Variants in SNAPC1 observed in about 807,000 individuals in gnomAD.
SNAPC1 encodes the protein snRNA-activating protein complex subunit 1.
In SNAPC1, 42 loss-of-function variants were observed where a neutral mutation model predicts 50.1. The ratio of observed to expected loss-of-function variants is 0.84; its 90% CI spans 0.65 to 1.08. The LOEUF is 1.08. SNAPC1 is among the 50% of genes least tolerant of loss of function. The pLI is 0.00. For missense variants in SNAPC1, 477 were observed against 427.3 expected, an observed-to-expected ratio of 1.12 and a Z score of -1.02; for synonymous variants, 164 against 144.2, an observed-to-expected ratio of 1.14 and a Z score of -0.98.
intron 7 of SNAPC1, among the ~76,000 whole-genome samples, chr14:61,780,852 T>G (rs1194734166): frequency 6.6e-6 from 1 of 151,990 alleles, no homozygotes; most frequent in Non-Finnish European, 1.5e-5. Flanking sequence ...GGTTTCTGCA[T>G]CCATGGATTG....
At chr14:61,782,131 G>T in intron 7 of SNAPC1, 116 bp from the exon 8 acceptor site, 1 of 794,752 alleles carries the variant, frequency 1.3e-6, no homozygotes. Flanking sequence ...AGTACTTTAT[G>T]ACAGATATTT....
intron 4 of SNAPC1, among the ~76,000 whole-genome samples, chr14:61,769,810 G>A (rs1347261293): frequency 2.6e-5 from 4 of 152,140 alleles, no homozygotes; most frequent in East Asian, 3.8e-4. Flanking sequence ...AAAATCTTAT[G>A]CATGGATAAG....
intron 7 of SNAPC1, among the ~76,000 whole-genome samples, chr14:61,781,480 A>C (rs1035354093): frequency 1.7e-4 from 26 of 151,874 alleles, no homozygotes; most frequent in Non-Finnish European, 2.6e-4. Context: ...GGACAGAAAA[A>C]AGAATTGTTA....
At chr14:61,784,198 A>G (rs1305199358) in intron 8 of SNAPC1, among the ~76,000 whole-genome samples, 3 of 152,222 alleles carry the variant, frequency 2.0e-5, no homozygotes, top group African/African-American at 4.8e-5. Context: ...AGATTTTTCT[A>G]CTTCCTTTCA....
intron 6 of SNAPC1, 77 bp from the exon 7 acceptor site, chr14:61,778,771 A>G (rs2045052004): frequency 3.5e-6 from 3 of 860,830 alleles, no homozygotes; most frequent in Non-Finnish European, 5.7e-6. Context: ...ATTTCTGATA[A>G]TAAATACTTG....
At chr14:61,773,647 C>T (rs1209426115) in intron 4 of SNAPC1, among the ~76,000 whole-genome samples, 28 of 151,052 alleles carry the variant, frequency 1.9e-4, no homozygotes, top group Admixed American at 1.7e-3. Context: ...CCGCCCGCCT[C>T]GGCCTCCCAA....
chr14:61,765,909 C>T (rs1455560720), intron 1 of SNAPC1, among the ~76,000 whole-genome samples: 1 of 152,274 alleles, frequency 6.6e-6, no homozygotes, highest in Admixed American at 6.5e-5. Context: ...TTACTTTGTG[C>T]TGTTTCTCTA....
chr14:61,791,993 C>T (rs1160160114), intron 8 of SNAPC1, among the ~76,000 whole-genome samples: 3 of 151,630 alleles, frequency 2.0e-5, no homozygotes, highest in South Asian at 2.1e-4. Context: ...AGTGTGCAGG[C>T]TCAGGAGGCA....
At chr14:61,766,140 C>G (rs2044947202) in intron 1 of SNAPC1, among the ~76,000 whole-genome samples, 1 of 152,216 alleles carries the variant, frequency 6.6e-6, no homozygotes, top group African/African-American at 2.4e-5. Context: ...ATAAAGAAAT[C>G]AGTGTATTTT....
chr14:61,777,610 AATT>A (rs747513836), intron 5 of SNAPC1, among the ~76,000 whole-genome samples: 22 of 144,972 alleles, frequency 1.5e-4, no homozygotes, highest in Admixed American at 5.4e-4. Context: ...GTTTAGTTTT[AATT>A]TTTTTTTTTT....
At position 61,766,935 on chromosome 14, in the gene SNAPC1, G is replaced by A; in HGVS notation, c.188G>A (p.Trp63Ter). The A allele has an allele frequency of 6.2e-7, 1 of 1,611,558 alleles. No homozygotes were observed. The highest frequency in any genetic ancestry group is 8.5e-7 in the Non-Finnish European group (1 of 1,177,866). ...MFTKEALALAWRYFLPPYTFQ... is the reference protein window; with the variant it reads ...MFTKEALALA ...ACAAAAGAAGCTTTAGCTTTGGCTTGGCGATATTTTTTACCTCCATACACC... is the reference window on the plus strand; with the variant it reads ...ACAAAAGAAGCTTTAGCTTTGGCTTAGCGATATTTTTTACCTCCATACACC... Residue 63 changes from tryptophan to a stop codon, truncating the protein, a stop_gained, in exon 2 of 10, where the codon TGG (tryptophan) becomes TAG (stop). Transcript: ENST00000216294. LOFTEE classifies it high-confidence loss of function.
intron 7 of SNAPC1, among the ~76,000 whole-genome samples, chr14:61,781,918 G>A (rs142261329): frequency 9.8e-5 from 15 of 152,330 alleles, no homozygotes; most frequent in Admixed American, 3.9e-4. Context: ...CTTGGAATGC[G>A]TGGTAGTGCC....
chr14:61,784,549 G>C (rs899120515), intron 8 of SNAPC1, among the ~76,000 whole-genome samples: 1 of 152,106 alleles, frequency 6.6e-6, no homozygotes, highest in Non-Finnish European at 1.5e-5. Context: ...TTTGTGAGCC[G>C]TGTTTCTGTC....
intron 3 of SNAPC1, among the ~76,000 whole-genome samples, chr14:61,768,075 G>A (rs1413525354): frequency 1.3e-5 from 2 of 152,180 alleles, no homozygotes; most frequent in Non-Finnish European, 2.9e-5. Flanking sequence ...CACCATGCCC[G>A]GCCTTGTAGC....
In SNAPC1 at chr14:61,767,219, T is replaced by G; in HGVS notation, c.296T>G (p.Val99Gly). 1 of 1,478,154 alleles carries G rather than the reference T, an allele frequency of 6.8e-7. No individual in the cohort carries two copies. The highest frequency in any genetic ancestry group is 9.0e-7 in the Non-Finnish European group (1 of 1,112,678). 91.6% of individuals were successfully genotyped at this position (1,478,154 alleles called of 1,614,324 possible). A position where few individuals can be genotyped will look rare whatever the true frequency, so the allele number is the denominator to read the frequency against. ...QLCQPKQKIR[V>G]ALKDWDEVLK... is the part of the protein sequence containing the mutation. ...TTTTCTTCCTGGTTGCAGATCAGAGTTGCCCTGAAGGATTGGGATGAAGTT... is the reference window on the plus strand; with the variant it reads ...TTTTCTTCCTGGTTGCAGATCAGAGGTGCCCTGAAGGATTGGGATGAAGTT... The change falls in exon 3 of 10, where the codon GTT becomes GGT. Residue 99 changes from valine (V) to glycine (G), a missense_variant. Val to Gly is a moderately radical substitution (Grantham distance 109, BLOSUM62 -3). Transcript: ENST00000216294.
rs149332356 is a variant in SNAPC1, at chr14:61,766,917, A to T, written c.170A>T (p.Glu57Val). 753 of 1,611,116 alleles carry T rather than the reference A, an allele frequency of 4.7e-4. 1 individual carries two copies. The highest frequency in any genetic ancestry group is 6.0e-4 in the Non-Finnish European group (703 of 1,177,610). ...TTAGAAAAGAACATGTTTACAAAAGAAGCTTTAGCTTTGGCTTGGCGATAT... is the reference window on the plus strand; with the variant it reads ...TTAGAAAAGAACATGTTTACAAAAGTAGCTTTAGCTTTGGCTTGGCGATAT... ...RNLEKNMFTK[E>V]ALALAWRYFL... The change falls in exon 2 of 10, where the codon GAA becomes GTA. Residue 57 changes from glutamate (E) to valine (V), a missense_variant. Transcript: ENST00000216294.
Position 61,768,730 on chromosome 14 carries a change from A to T in SNAPC1, c.524A>T (p.Asp175Val). The change falls in exon 4 of 10, where the codon GAT becomes GTT. Residue 175 changes from aspartate (D) to valine (V), a missense_variant. By Grantham distance (152) the Asp-to-Val change is radical. Transcript: ENST00000216294. ...SDRVMKLITS[D>V]VLEEMLNVHD... ...CGTGTGATGAAACTTATCACTTCTG[A>T]TGTATTAGAGGTAAATTTTCTTTTA... is the stretch of plus-strand genomic sequence containing the variant. The T allele has an allele frequency of 2.5e-6, 4 of 1,586,796 alleles. No homozygotes were observed. Among genetic ancestry groups the T allele is most frequent in the Non-Finnish European group, 3.5e-6 (4 of 1,158,454 alleles).
At chr14:61,777,761 G>A (rs2045045629) in intron 5 of SNAPC1, among the ~76,000 whole-genome samples, 1 of 151,892 alleles carries the variant, frequency 6.6e-6, no homozygotes, top group Non-Finnish European at 1.5e-5. Context: ...TCTTTTAATA[G>A]ATAAACTCTC....
chr14:61,774,648 ATTTTTTTT>A (rs35300490), intron 4 of SNAPC1, among the ~76,000 whole-genome samples: 1,183 of 90,954 alleles, frequency 0.013, 25 homozygotes, highest in Middle Eastern at 0.047. Flanking sequence ...TCAGTTTCTC[ATTTTTTTT>A]TTTTTTTTTT....
Sources: allele counts gnomAD v4.1 joint callset (sites outside exome capture counted in the v4.1 genomes callset), GRCh38; gene constraint gnomAD v4.1.1; transcripts MANE v1.5; gene names NCBI Gene and HGNC (gene_info 2026-07-23, HGNC 2026-07-21).